The following SLC9A3 variants were observed in gnomAD, a reference collection of about 807,000 sequenced individuals.
SLC9A3 encodes the protein sodium/hydrogen exchanger 3.
Under a neutral mutation model 86.8 loss-of-function variants are expected in SLC9A3, and 37 were observed. That is an observed-to-expected ratio of 0.43 (90% CI 0.33 to 0.56). The LOEUF (loss-of-function observed/expected upper bound fraction) is 0.56, where lower values mean the gene tolerates loss of function less well. SLC9A3 is among the 20% of genes least tolerant of loss of function. The pLI, the probability that SLC9A3 is intolerant of heterozygous loss-of-function variation, is 0.06. For missense variants in SLC9A3, 1,011 were observed against 1,171.9 expected, an observed-to-expected ratio of 0.86 and a Z score of 2.00; for synonymous variants, 581 against 528.3, an observed-to-expected ratio of 1.10 and a Z score of -1.37.
intron 1 of SLC9A3, among the ~76,000 whole-genome samples, chr5:503,344 T>C (rs1740394604): frequency 6.6e-6 from 1 of 152,314 alleles, no homozygotes; most frequent in East Asian, 1.9e-4. Context: ...AAGACCAGCC[T>C]GGGCAACACA....
At chr5:522,085 G>C (rs559217975) in intron 1 of SLC9A3, among the ~76,000 whole-genome samples, 1 of 141,118 alleles carries the variant, frequency 7.1e-6, no homozygotes, top group Non-Finnish European at 1.5e-5. Flanking sequence ...GGGATACCGC[G>C]ATGAGCTCCC....
intron 2 of SLC9A3, among the ~76,000 whole-genome samples, chr5:488,930 G>A (rs980812083): frequency 5.9e-5 from 9 of 152,174 alleles, no homozygotes; most frequent in African/African-American, 1.9e-4. Flanking sequence ...GGGTGTGGGG[G>A]CAGATTGTGG....
At position 473,232 on chromosome 5, in the gene SLC9A3, G is replaced by A. The variant is rs1738492790; in HGVS notation, c.*147C>T. 8 of 905,806 alleles carry A rather than the reference G, an allele frequency of 8.8e-6. No individual in the cohort carries two copies. The highest frequency in any genetic ancestry group is 1.2e-5 in the Non-Finnish European group (8 of 691,298). The allele number at this position is 905,806 out of a possible 1,614,324, so 56.1% of individuals were successfully genotyped here. A position where few individuals can be genotyped will look rare whatever the true frequency, so the allele number is the denominator to read the frequency against. ...CGCGGCACTCTCGGAGTTCTGCGCA[G>A]GCGCTGGCGTGGGCGAGGCGGGGCT... is the stretch of plus-strand genomic sequence containing the variant. On this transcript the variant is annotated 3_prime_UTR_variant, in exon 17 of 17. Transcript: ENST00000264938.
At position 476,640 on chromosome 5, in the gene SLC9A3, A is replaced by G; in HGVS notation, c.1793T>C (p.Met598Thr). ...RENVSAVCLD[M>T]QSLEQRRRSI... ...CCGCCGTCGCTGCTCCAGAGACTGC[A>G]TGTCCAGGCAGACAGCGCTGACATT... is the stretch of plus-strand genomic sequence containing the variant. Residue 598 changes from methionine (M) to threonine (T), a missense_variant, in exon 12 of 17, where the codon ATG becomes ACG. Physicochemically the swap from Met to Thr is moderately conservative, Grantham distance 81 (BLOSUM62 -1). Coordinates refer to ENST00000264938, the MANE Select transcript of SLC9A3 (RefSeq NM_004174.4). 2 of 1,607,932 alleles carry G rather than the reference A, an allele frequency of 1.2e-6. No individual in the cohort carries two copies. Among genetic ancestry groups the G allele is most frequent in the Non-Finnish European group, 1.7e-6 (2 of 1,179,866 alleles).
At chr5:483,568 G>A in intron 5 of SLC9A3, 86 bp from the exon 6 acceptor site, 9 of 928,842 alleles carry the variant, frequency 9.7e-6, no homozygotes, top group Non-Finnish European at 1.2e-5. Flanking sequence ...ACGGCCTGGC[G>A]CCTGTAGGCC....
intron 1 of SLC9A3, among the ~76,000 whole-genome samples, chr5:494,123 C>T (rs999329544): frequency 6.6e-6 from 1 of 152,242 alleles, no homozygotes; most frequent in Non-Finnish European, 1.5e-5. Flanking sequence ...TCTCTCCCCA[C>T]AGCTCTCCCT....
intron 10 of SLC9A3, 93 bp from the exon 11 acceptor site, chr5:477,537 G>C: frequency 1.2e-6 from 1 of 837,010 alleles, no homozygotes; most frequent in Non-Finnish European, 1.9e-6. Flanking sequence ...CAGAGCTCGG[G>C]GCCCGGGGAA....
chr5:493,340 G>T (rs902772736), intron 1 of SLC9A3, among the ~76,000 whole-genome samples: 3 of 152,244 alleles, frequency 2.0e-5, no homozygotes, highest in Non-Finnish European at 1.5e-5. Context: ...GAGCGGGGAG[G>T]CTCCCTCCAC....
chr5:493,740 G>T (rs1739899415), intron 1 of SLC9A3, among the ~76,000 whole-genome samples: 1 of 149,978 alleles, frequency 6.7e-6, no homozygotes, highest in African/African-American at 2.5e-5. Flanking sequence ...GGGTTCAGAG[G>T]CTCCTGCTTT....
chr5:496,872 G>A lies in SLC9A3; in HGVS notation c.212-4801C>T, dbSNP rs766076837. ...TCGAGACCAGCCTGGGCAACATGGC[G>A]AAACCCCATCTTTACAAAAAAAAAT... is the stretch of plus-strand genomic sequence containing the variant. On this transcript the variant is annotated intron_variant, in intron 1 of 16. Transcript: ENST00000264938. This position sits in a 1 kb window ranked among gnomAD's most constrained non-coding sequence, Gnocchi z 4.7. Among the ~76,000 whole-genome samples the A allele has an allele frequency of 6.6e-6, 1 of 151,880 alleles. No homozygotes were observed. The highest frequency in any genetic ancestry group is 2.4e-5 in the African/African-American group (1 of 41,320).
intron 1 of SLC9A3, among the ~76,000 whole-genome samples, chr5:493,297 T>A (rs1001986990): frequency 5.9e-5 from 9 of 152,252 alleles, no homozygotes; most frequent in African/African-American, 2.2e-4. Flanking sequence ...TCTCCTGAGA[T>A]GGCCAAGACC....
At chr5:485,667 T>C (rs182007597) in intron 3 of SLC9A3, among the ~76,000 whole-genome samples, 1 of 152,342 alleles carries the variant, frequency 6.6e-6, no homozygotes, top group Admixed American at 6.5e-5. Context: ...GGAAACCTTA[T>C]CCACGCCCTG....
chr5:475,434 C>T (rs982760655), intron 15 of SLC9A3, 127 bp downstream of exon 15: 8 of 651,504 alleles, frequency 1.2e-5, no homozygotes, highest in Non-Finnish European at 1.9e-5. Context: ...CCAAGCAGGG[C>T]CCTTGAGAAC....
At chr5:493,735 C>T (rs1739899328) in intron 1 of SLC9A3, among the ~76,000 whole-genome samples, 1 of 151,534 alleles carries the variant, frequency 6.6e-6, no homozygotes, top group Admixed American at 6.6e-5. Flanking sequence ...GATCGGGGTT[C>T]AGAGGCTCCT....
At chr5:479,655 C>G in intron 10 of SLC9A3, 181 bp downstream of exon 10, 1 of 607,314 alleles carries the variant, frequency 1.6e-6, no homozygotes, top group South Asian at 1.9e-5. Context: ...CTCAGTTTAC[C>G]CCACGAGAGC....
chr5:475,583 G>A lies in SLC9A3; in HGVS notation c.2229C>T (p.Asp743=), dbSNP rs1296562926. ...GIEFLASVTK[D]TASDSPAGID... ...CACCTGCAGGGGAGTCGGACGCTGTGTCCTTGGTGACACTAGCCAGGAACT... is the reference window on the plus strand; with the variant it reads ...CACCTGCAGGGGAGTCGGACGCTGTATCCTTGGTGACACTAGCCAGGAACT... The change falls in exon 15 of 17, where the codon GAC becomes GAT. Residue 743 remains aspartate (D), a synonymous_variant. Coordinates refer to ENST00000264938, the MANE Select transcript of SLC9A3 (RefSeq NM_004174.4). The A allele has an allele frequency of 1.3e-6, 2 of 1,550,086 alleles. No individual in the cohort carries two copies. Among genetic ancestry groups the A allele is most frequent in the Admixed American group, 2.0e-5 (1 of 51,174 alleles).
chr5:472,909 T>C lies in SLC9A3; in HGVS notation c.*470A>G. 1 of 534,684 alleles carries C rather than the reference T, an allele frequency of 1.9e-6. No individual in the cohort carries two copies. The highest frequency in any genetic ancestry group is 1.8e-5 in the South Asian group (1 of 54,068). 33.1% of individuals were successfully genotyped at this position (534,684 alleles called of 1,614,324 possible). ...GCGAGCCTCGGTTTCCCGGCAGCGG[T>C]GGGAAAGGGCGCGAGCGGCCAGCCA... On this transcript the variant is annotated 3_prime_UTR_variant, in exon 17 of 17. Coordinates refer to ENST00000264938, the MANE Select transcript of SLC9A3 (RefSeq NM_004174.4).
At chr5:495,106 G>GT (rs1739962860) in intron 1 of SLC9A3, among the ~76,000 whole-genome samples, 1 of 130,998 alleles carries the variant, frequency 7.6e-6, no homozygotes, top group Non-Finnish European at 1.8e-5. Flanking sequence ...GGGGGGCGCC[G>GT]TGGCCGCAGG....
rs530982099 is a variant in SLC9A3, at chr5:495,981, G to T, written c.212-3910C>A. Among the ~76,000 whole-genome samples, 16 of 152,252 alleles carry T rather than the reference G, an allele frequency of 1.1e-4. No homozygotes were observed. The East Asian group carries it at 3.1e-3, about 29-fold the overall frequency. The stretch of plus-strand genomic sequence containing the variant: ...ACCCTCCCCACGCTCCAGTGAGGCC[G>T]CTGGTTACTGTAAAAGCCTGTTAAC... On this transcript the variant is annotated intron_variant, in intron 1 of 16. Transcript: ENST00000264938.
Sources: allele counts gnomAD v4.1 joint callset (sites outside exome capture counted in the v4.1 genomes callset), GRCh38; gene constraint gnomAD v4.1.1; non-coding constraint Gnocchi (gnomAD v3.1); transcripts MANE v1.5; gene names NCBI Gene and HGNC (gene_info 2026-07-23, HGNC 2026-07-21).